Variants in UMODL1 observed in about 807,000 individuals in gnomAD.
UMODL1 encodes uromodulin like 1, also known as uromodulin-like 1.
In UMODL1, 128 loss-of-function variants were observed where a neutral mutation model predicts 136.3. That is an observed-to-expected ratio of 0.94 (90% CI 0.81 to 1.09). The LOEUF (loss-of-function observed/expected upper bound fraction) is 1.09, where lower values mean the gene tolerates loss of function less well. Among genes scored for constraint, UMODL1 ranks in the 50% least tolerant of loss-of-function variants. The pLI is 0.00. For synonymous variants in UMODL1, 721 were observed against 720.0 expected, an observed-to-expected ratio of 1.00 and a Z score of -0.02; for missense variants, 1,766 against 1,725.6, an observed-to-expected ratio of 1.02 and a Z score of -0.41.
chr21:42,080,338 A>G (rs929798773), intron 2 of UMODL1, among the ~76,000 whole-genome samples: 73 of 152,338 alleles, frequency 4.8e-4, no homozygotes, highest in Admixed American at 3.8e-3. Flanking sequence ...CGTGAAGGGC[A>G]GGAGATGCTC....
At chr21:42,104,232 G>T (rs1475502523) in intron 9 of UMODL1, 145 bp downstream of exon 9, 4 of 909,662 alleles carry the variant, frequency 4.4e-6, no homozygotes, top group African/African-American at 1.7e-5. Context: ...GGAACCAGGG[G>T]CCAGGGCAGT....
chr21:42,063,828 G>A (rs945533790), intron 1 of UMODL1, among the ~76,000 whole-genome samples: 1 of 152,144 alleles, frequency 6.6e-6, no homozygotes, highest in Non-Finnish European at 1.5e-5. Context: ...AAGCCCTTTC[G>A]GAAGCAGCCG....
Position 42,121,190 on chromosome 21 carries a change from C to T in UMODL1, c.2793C>T (p.Asp931=). ...FTCSCEGGAP[D]FPVEYSERPC... ...GTAGCTGCGAGGGAGGAGCCCCCGA[C>T]TTCCCTGTGGAATATTCTGAGAGAC... is the stretch of plus-strand genomic sequence containing the variant. The change falls in exon 16 of 23, where the codon GAC becomes GAT. Residue 931 remains aspartate (D), a synonymous_variant. Coordinates refer to ENST00000408910, the MANE Select transcript of UMODL1 (RefSeq NM_001004416.3). 6.2e-7 allele frequency: 1 copy of T among 1,614,080 alleles called. No individual in the cohort carries two copies. Among genetic ancestry groups the T allele is most frequent in the Non-Finnish European group, 8.5e-7 (1 of 1,179,986 alleles).
intron 1 of UMODL1, among the ~76,000 whole-genome samples, chr21:42,063,618 T>C (rs145791434): frequency 0.012 from 1,781 of 152,268 alleles, 41 homozygotes; most frequent in African/African-American, 0.04. Context: ...ACAGGAGCAG[T>C]GGAAACCTCT....
chr21:42,102,291 T>C lies in UMODL1; in HGVS notation c.1299+13T>C, dbSNP rs753589640. ...ACTGCTTCACGAGGTAAAGCCACAATGCAGACAGAAATCTTTTCTTGGGTG... is the reference window on the plus strand; with the variant it reads ...ACTGCTTCACGAGGTAAAGCCACAACGCAGACAGAAATCTTTTCTTGGGTG... On this transcript the variant is annotated intron_variant, in intron 8 of 22. Transcript: ENST00000408910. 2.5e-6 allele frequency: 4 copies of C among 1,575,664 alleles called. No individual in the cohort carries two copies. Among genetic ancestry groups the C allele is most frequent in the Non-Finnish European group, 3.5e-6 (4 of 1,148,394 alleles).
chr21:42,085,194 C>A lies in UMODL1; in HGVS notation c.482-97C>A. 1.3e-6 allele frequency: 2 copies of A among 1,481,808 alleles called. No homozygotes were observed. Among genetic ancestry groups the A allele is most frequent in the Non-Finnish European group, 1.8e-6 (2 of 1,094,536 alleles). 91.8% of individuals were successfully genotyped at this position (1,481,808 alleles called of 1,614,324 possible). On this transcript the variant is annotated intron_variant, in intron 3 of 22. Coordinates refer to ENST00000408910, the MANE Select transcript of UMODL1 (RefSeq NM_001004416.3). This position sits in a 1 kb window ranked among gnomAD's most constrained non-coding sequence, Gnocchi z 4.5. Reference sequence around the variant, plus strand: ...AAATGCAGAGCAGGGCCTCTCATGGCCTCTGGTTCCCTCTCCTGCCCCCTC... The same window carrying A: ...AAATGCAGAGCAGGGCCTCTCATGGACTCTGGTTCCCTCTCCTGCCCCCTC...
chr21:42,125,701 GGAGGTCTGGGGT>G (rs959341590), intron 17 of UMODL1, among the ~76,000 whole-genome samples: 82 of 152,346 alleles, frequency 5.4e-4, no homozygotes, highest in African/African-American at 1.9e-3. Context: ...CCCTGGTGAG[GGAGGTCTGGGGT>G]GAGAGGTGCA....
chr21:42,085,883 G>A lies in UMODL1; in HGVS notation c.603+471G>A, dbSNP rs535118015. ...ACCCTGGGGTCTGATGGTTAGCAGC[G>A]CCCCTGGCCTCTCCACACAAGTCAG... On this transcript the variant is annotated intron_variant, in intron 4 of 22. Transcript: ENST00000408910. This position sits in a 1 kb window ranked among gnomAD's most constrained non-coding sequence, Gnocchi z 4.5. 5.3e-5 allele frequency among the ~76,000 whole-genome samples: 8 copies of A among 152,128 alleles called. No individual in the cohort carries two copies. Among genetic ancestry groups the A allele is most frequent in the Non-Finnish European group, 1.0e-4 (7 of 68,018 alleles).
At chr21:42,112,394 T>C (rs2066845297) in intron 12 of UMODL1, among the ~76,000 whole-genome samples, 1 of 151,762 alleles carries the variant, frequency 6.6e-6, no homozygotes, top group Admixed American at 6.6e-5. Context: ...CCAGTTGTTC[T>C]GCATCTCCCC....
chr21:42,108,490 C>T (rs1020922938), intron 9 of UMODL1: 4 of 441,086 alleles, frequency 9.1e-6, no homozygotes, highest in African/African-American at 4.0e-5. Flanking sequence ...ACCCACAAAA[C>T]GAGCCTCAGA....
chr21:42,093,299 A>C (rs1165770510), intron 6 of UMODL1: 6 of 152,388 alleles, frequency 3.9e-5, no homozygotes, highest in Admixed American at 2.6e-4. Context: ...TGCAGCCTCC[A>C]GCTCCCAGGC....
chr21:42,096,948 G>A (rs949148742), intron 6 of UMODL1, among the ~76,000 whole-genome samples: 1 of 152,218 alleles, frequency 6.6e-6, no homozygotes. Context: ...ACTTTAAGAA[G>A]CCGGGTGGTT....
At chr21:42,121,547 G>A (rs146719211) in intron 16 of UMODL1, among the ~76,000 whole-genome samples, 270 of 152,318 alleles carry the variant, frequency 1.8e-3, no homozygotes, top group Middle Eastern at 0.01. Context: ...GATGCTGAGC[G>A]ACCGTCTTGT....
Position 42,099,686 on chromosome 21 carries a change from G to GT in UMODL1, c.1186+512dup, listed in dbSNP as rs763015430. 2.0e-5 allele frequency among the ~76,000 whole-genome samples: 3 copies of GT among 151,748 alleles called. No homozygotes were observed. The highest frequency in any genetic ancestry group is 4.4e-5 in the Non-Finnish European group (3 of 67,928). On this transcript the variant is annotated intron_variant, in intron 7 of 22. Transcript: ENST00000408910. This position sits in a 1 kb window ranked among gnomAD's most constrained non-coding sequence, Gnocchi z 4.1. Reference sequence around the variant, plus strand: ...CACCACATTGGTGCTGGGACAAAACGTTTTTTCTTTTTGAGACAGGGTCTC... The same window carrying GT: ...CACCACATTGGTGCTGGGACAAAACGTTTTTTTCTTTTTGAGACAGGGTCTC...
chr21:42,136,716 TTTC>T (rs1021125635), intron 21 of UMODL1, among the ~76,000 whole-genome samples: 1 of 131,006 alleles, frequency 7.6e-6, no homozygotes, highest in African/African-American at 2.6e-5. Context: ...GCACTCTGTT[TTTC>T]TTTTTTTTTG....
At position 42,099,583 on chromosome 21, in the gene UMODL1, C is replaced by A. The variant is rs977275348; in HGVS notation, c.1186+403C>A. 3.3e-5 allele frequency among the ~76,000 whole-genome samples: 5 copies of A among 152,196 alleles called. No individual in the cohort carries two copies. The highest frequency in any genetic ancestry group is 1.2e-4 in the African/African-American group (5 of 41,452). ...CAGCAGCACTGAGGCCGTCTAAGTT[C>A]CCTCCCCGAGAGGGGAGCATCGCTG... On this transcript the variant is annotated intron_variant, in intron 7 of 22. Coordinates refer to ENST00000408910, the MANE Select transcript of UMODL1 (RefSeq NM_001004416.3). This position sits in a 1 kb window ranked among gnomAD's most constrained non-coding sequence, Gnocchi z 4.1.
intron 1 of UMODL1, 116 bp downstream of exon 1, chr21:42,071,508 G>C (rs2066231661): frequency 5.6e-6 from 6 of 1,069,714 alleles, no homozygotes; most frequent in Admixed American, 8.2e-5. Context: ...TCTGCTTGGA[G>C]AGGCGACATC....
At chr21:42,093,011 T>C (rs1048522251) in intron 6 of UMODL1, among the ~76,000 whole-genome samples, 4 of 152,232 alleles carry the variant, frequency 2.6e-5, no homozygotes, top group Admixed American at 6.5e-5. Flanking sequence ...GAGAGTGTGA[T>C]GGGCTCTCCC....
At chr21:42,074,871 C>G (rs914212805) in intron 1 of UMODL1, among the ~76,000 whole-genome samples, 8 of 151,860 alleles carry the variant, frequency 5.3e-5, no homozygotes, top group African/African-American at 1.9e-4. Flanking sequence ...ATTACAGGCA[C>G]CAGCCACCAC....
Sources: allele counts gnomAD v4.1 joint callset (sites outside exome capture counted in the v4.1 genomes callset), GRCh38; gene constraint gnomAD v4.1.1; non-coding constraint Gnocchi (gnomAD v3.1); transcripts MANE v1.5; gene names NCBI Gene and HGNC (gene_info 2026-07-23, HGNC 2026-07-21).